Variants in SNF8 observed in about 807,000 individuals in gnomAD.
SNF8 encodes the protein vacuolar-sorting protein SNF8.
In SNF8, 19 loss-of-function variants were observed where a neutral mutation model predicts 36.8. The observed-to-expected ratio is 0.52, with a 90% confidence interval of 0.36 to 0.76. SNF8 has a LOEUF of 0.76. SNF8 is among the 30% of genes least tolerant of loss of function. The pLI is 0.00. For synonymous variants in SNF8, 127 were observed against 127.4 expected, an observed-to-expected ratio of 1.00 and a Z score of 0.02; for missense variants, 268 against 322.9, an observed-to-expected ratio of 0.83 and a Z score of 1.30.
intron 3 of SNF8, among the ~76,000 whole-genome samples, chr17:48,939,086 G>A (rs1438629291): frequency 1.3e-5 from 2 of 149,404 alleles, no homozygotes; most frequent in African/African-American, 2.5e-5. Flanking sequence ...GTGAAACTCC[G>A]TCTCTACTAA....
At chr17:48,931,965 CCTAGCACTTT>C in intron 6 of SNF8, 2 of 321,464 alleles carry the variant, frequency 6.2e-6, no homozygotes, top group Non-Finnish European at 1.2e-5. Flanking sequence ...TGCCTGTAAT[CCTAGCACTTT>C]TTGGGAGGCC....
chr17:48,936,937 C>T (rs2040942654), intron 4 of SNF8, 83 bp downstream of exon 4: 2 of 1,032,972 alleles, frequency 1.9e-6, no homozygotes, highest in Non-Finnish European at 3.1e-6. Context: ...CTGTAGACTG[C>T]AGGATGGAAA....
chr17:48,940,865 G>C, intron 3 of SNF8, 59 bp downstream of exon 3: 4 of 1,579,294 alleles, frequency 2.5e-6, no homozygotes, highest in Non-Finnish European at 3.5e-6. Flanking sequence ...ACAACTATGT[G>C]AGCTTCTGTT....
In SNF8 at chr17:48,929,746, T is replaced by C. The variant is rs761473033; in HGVS notation, c.*729A>G. The C allele has an allele frequency of 2.4e-4, 36 of 152,188 alleles. No homozygotes were observed. Among genetic ancestry groups the C allele is most frequent in the African/African-American group, 4.1e-4 (17 of 41,434 alleles). The allele number at this position is 152,188 out of a possible 1,614,324, so 9.4% of individuals were successfully genotyped here. On this transcript the variant is annotated 3_prime_UTR_variant, in exon 8 of 8. Transcript: ENST00000502492. ...TACTTTGATTGAATCACCTGTGATG[T>C]TGAAGGCTGCCTACTTGGTGAAATT...
rs753943665 is a variant in SNF8 at position 48,930,572 on chromosome 17, TG to T, written c.679del (p.Gln227ArgfsTer99). The T allele has an allele frequency of 3.7e-6, 6 of 1,613,802 alleles. No individual in the cohort carries two copies. The South Asian group carries it at 6.6e-5, about 18-fold the overall frequency. The stretch of plus-strand genomic sequence containing the variant: ...CCAGTAGTGGGCCTCCCCTGGGGCC[TG>T]TAAGTCCAGCCACGCCAACCCTTCC... Reference protein sequence around the residue: ...LKEGLAWLDLQAPGEAHYWLP... With the variant: ...LKEGLAWLDLXAPGEAHYWLP... On this transcript the variant is annotated frameshift_variant, in exon 8 of 8. Transcript: ENST00000502492. LOFTEE classifies it high-confidence loss of function.
At chr17:48,934,485 TC>T in intron 5 of SNF8, 1 of 211,346 alleles carries the variant, frequency 4.7e-6, no homozygotes, top group Non-Finnish European at 9.8e-6. Flanking sequence ...GTACCTGTAA[TC>T]CCAGCTACTC....
rs532349896 is a variant in SNF8, at chr17:48,944,215, C to T, written c.55-240G>A. On this transcript the variant is annotated intron_variant, in intron 1 of 7. Transcript: ENST00000502492. ...TACTCAGGAGGCTGAGGCAGGAGAA[C>T]GGCGTGAACCCTGGAGGTGGAGGTT... 8 of 462,422 alleles carry T rather than the reference C, an allele frequency of 1.7e-5. No homozygotes were observed. In the East Asian group the frequency reaches 2.1e-4, roughly 12 times the overall value. 28.6% of individuals were successfully genotyped at this position (462,422 alleles called of 1,614,324 possible). A position where few individuals can be genotyped will look rare whatever the true frequency, so the allele number is the denominator to read the frequency against.
chr17:48,936,302 C>T (rs1448862240), intron 4 of SNF8, 60 bp from the exon 5 acceptor site: 5 of 1,343,916 alleles, frequency 3.7e-6, no homozygotes, highest in East Asian at 4.6e-5. Flanking sequence ...AATAAGTTGA[C>T]AGTCATTACA....
intron 6 of SNF8, chr17:48,932,901 AT>A (rs1289614087): frequency 1.0e-5 from 3 of 293,470 alleles, no homozygotes; most frequent in African/African-American, 6.4e-5. Flanking sequence ...TTCAAAAGAC[AT>A]CAAAGAGTCT....
In SNF8 at chr17:48,944,776, G is replaced by C. The variant is rs373186869; in HGVS notation, c.-42C>G. 1.9e-6 allele frequency: 3 copies of C among 1,573,840 alleles called. No homozygotes were observed. The highest frequency in any genetic ancestry group is 1.7e-6 in the Non-Finnish European group (2 of 1,166,440). ...CGGGCCGCCCGGCTGCCGGGACCCC[G>C]GGTCTCCACGTCCCGGACTCCGCCG... On this transcript the variant is annotated 5_prime_UTR_variant, in exon 1 of 8. Transcript: ENST00000502492.
rs781772285 is a variant in SNF8, at chr17:48,930,347, TAAAAG to T, written c.*123_*127del. 1 of 1,130,122 alleles carries T rather than the reference TAAAAG, an allele frequency of 8.8e-7. No individual in the cohort carries two copies. The highest frequency in any genetic ancestry group is 1.2e-6 in the Non-Finnish European group (1 of 846,780). 70.0% of individuals were successfully genotyped at this position (1,130,122 alleles called of 1,614,324 possible). On this transcript the variant is annotated 3_prime_UTR_variant, in exon 8 of 8. Coordinates refer to ENST00000502492, the MANE Select transcript of SNF8 (RefSeq NM_007241.4). ...GCAACGTGAAGGCACTTTTCAAAAA[TAAAAG>T]AATGAGGGAAGAAAGAAAAACTTGG...
intron 3 of SNF8, among the ~76,000 whole-genome samples, chr17:48,939,085 C>T (rs1176992155): frequency 6.8e-6 from 1 of 147,702 alleles, no homozygotes; most frequent in African/African-American, 2.5e-5. Flanking sequence ...GGTGAAACTC[C>T]GTCTCTACTA....
At chr17:48,941,173 C>T in intron 2 of SNF8, 111 bp from the exon 3 acceptor site, 2 of 1,194,426 alleles carry the variant, frequency 1.7e-6, no homozygotes, top group Non-Finnish European at 2.4e-6. Context: ...ACCAGTCTCC[C>T]TCAGCCTACC....
At chr17:48,943,634 C>T (rs1282011787) in intron 2 of SNF8, among the ~76,000 whole-genome samples, 3 of 147,802 alleles carry the variant, frequency 2.0e-5, no homozygotes, top group African/African-American at 5.0e-5. Context: ...CAAACAAACA[C>T]CTCAGAATAA....
chr17:48,937,857 C>T (rs1029258605), intron 3 of SNF8, among the ~76,000 whole-genome samples: 7 of 151,936 alleles, frequency 4.6e-5, no homozygotes, highest in African/African-American at 9.7e-5. Context: ...ACCCGGGAGG[C>T]AGAGGTTGCA....
chr17:48,936,751 C>T (rs1329479998), intron 4 of SNF8: 5 of 502,930 alleles, frequency 9.9e-6, no homozygotes, highest in African/African-American at 1.9e-5. Flanking sequence ...GGGAAAAGGC[C>T]TACTTCCTAC....
intron 2 of SNF8, among the ~76,000 whole-genome samples, chr17:48,942,302 A>T (rs902419483): frequency 2.0e-5 from 3 of 150,618 alleles, no homozygotes; most frequent in Non-Finnish European, 4.4e-5. Context: ...ACGCCACTGC[A>T]CTCCAGCCTG....
rs1460764269 is a variant in SNF8, at chr17:48,937,113, A to G, written c.256T>C (p.Phe86Leu). Residue 86 changes from phenylalanine (F) to leucine (L), a missense_variant, in exon 4 of 8, where the codon TTT becomes CTT. Physicochemically the swap from Phe to Leu is conservative, Grantham distance 22 (BLOSUM62 0). Coordinates refer to ENST00000502492, the MANE Select transcript of SNF8 (RefSeq NM_007241.4). The stretch of plus-strand genomic sequence containing the variant: ...CCCACGCCCAGCATCTCAGACCAAA[A>G]TCCTTTTCCAGCTACAAGACAGAAA... ...GVDPLASGKG[F>L]WSEMLGVGDF... 6.2e-7 allele frequency: 1 copy of G among 1,613,308 alleles called. No individual in the cohort carries two copies. Among genetic ancestry groups the G allele is most frequent in the East Asian group, 2.2e-5 (1 of 44,880 alleles).
intron 3 of SNF8, among the ~76,000 whole-genome samples, chr17:48,940,094 T>A (rs991424557): frequency 1.9e-4 from 12 of 61,940 alleles, no homozygotes; most frequent in Non-Finnish European, 3.0e-4. Flanking sequence ...AAAAAAAAAA[T>A]TTTTTTTTTA....
Sources: allele counts gnomAD v4.1 joint callset (sites outside exome capture counted in the v4.1 genomes callset), GRCh38; gene constraint gnomAD v4.1.1; transcripts MANE v1.5; gene names NCBI Gene and HGNC (gene_info 2026-07-23, HGNC 2026-07-21).